Variants in SLC12A4 observed in about 807,000 individuals in gnomAD.
SLC12A4 encodes the protein solute carrier family 12 member 4, also known as electroneutral potassium-chloride cotransporter 1.
SLC12A4 carries 84 observed loss-of-function variants against 119.2 expected under a neutral mutation model. The observed-to-expected ratio is 0.70, with a 90% confidence interval of 0.59 to 0.85. SLC12A4 has a LOEUF of 0.85. Among genes scored for constraint, SLC12A4 ranks in the 40% least tolerant of loss-of-function variants. The pLI, the probability that SLC12A4 is intolerant of heterozygous loss-of-function variation, is 0.00. For missense variants in SLC12A4, 1,298 were observed against 1,476.3 expected (o/e 0.88, Z 1.98); for synonymous variants, 599 against 604.6 (o/e 0.99, Z 0.14).
rs2030590576 is a variant in SLC12A4, at chr16:67,961,763, G to A, written c.211-57C>T. On this transcript the variant is annotated intron_variant, in intron 2 of 23. Coordinates refer to ENST00000316341, the MANE Select transcript of SLC12A4 (RefSeq NM_005072.5). ...TGGGCCAGGTGGGTGCCAGCTGTGTGGAGCCAGCTGCCTGGTCCCTGGCCC... is the reference window on the plus strand; with the variant it reads ...TGGGCCAGGTGGGTGCCAGCTGTGTAGAGCCAGCTGCCTGGTCCCTGGCCC... 1.4e-5 allele frequency: 23 copies of A among 1,603,676 alleles called. No individual in the cohort carries two copies. In the South Asian group the frequency reaches 2.3e-4, roughly 16 times the overall value.
Position 67,950,856 on chromosome 16 carries a change from G to T in SLC12A4, c.1396+106C>A. 7.0e-7 allele frequency: 1 copy of T among 1,422,992 alleles called. No homozygotes were observed. Among genetic ancestry groups the T allele is most frequent in the Non-Finnish European group, 9.8e-7 (1 of 1,020,538 alleles). 88.1% of individuals were successfully genotyped at this position (1,422,992 alleles called of 1,614,324 possible). ...TGTGCATGTGTGCATGAGAAGGGGAGCTATATATGAGTGTGTGGGGTGTCT... is the reference window on the plus strand; with the variant it reads ...TGTGCATGTGTGCATGAGAAGGGGATCTATATATGAGTGTGTGGGGTGTCT... On this transcript the variant is annotated intron_variant, in intron 10 of 23. Coordinates refer to ENST00000316341, the MANE Select transcript of SLC12A4 (RefSeq NM_005072.5). This position sits in a 1 kb window ranked among gnomAD's most constrained non-coding sequence, Gnocchi z 4.3.
rs768325882 is a variant in SLC12A4, at chr16:67,952,135, A to G, written c.917+49T>C. On this transcript the variant is annotated intron_variant, in intron 7 of 23. Transcript: ENST00000316341. ...ATCTGGGGCATCAAAGGCTGGCTAC[A>G]TGGGAGGGATGTCCATGCAATGCCC... The G allele has an allele frequency of 3.1e-6, 5 of 1,611,640 alleles. No individual in the cohort carries two copies. The South Asian group carries it at 5.5e-5, about 18-fold the overall frequency.
rs2058319970 is a variant in SLC12A4, at chr16:67,944,697, G to A, written c.*143C>T. The A allele has an allele frequency of 7.0e-7, 1 of 1,436,144 alleles. No individual in the cohort carries two copies. Among genetic ancestry groups the A allele is most frequent in the African/African-American group, 1.4e-5 (1 of 69,846 alleles). 89.0% of individuals were successfully genotyped at this position (1,436,144 alleles called of 1,614,324 possible). On this transcript the variant is annotated 3_prime_UTR_variant, in exon 24 of 24. Transcript: ENST00000316341. The surrounding 1 kb of genome is among the most constrained non-coding windows in gnomAD (Gnocchi z 6.6). ...TTTGAGGCCCAGGCCTGGTTTCCAA[G>A]GAGACCTAGCAAAGCTGGGTCCAGG...
In SLC12A4 at chr16:67,943,996, T is replaced by A; in HGVS notation, c.*844A>T. Reference sequence around the variant, plus strand: ...TTACTGAGCTCAGCCTTGGGCGTGGTGTGCGGGGGGAAGAGCACATTGAGG... The same window carrying A: ...TTACTGAGCTCAGCCTTGGGCGTGGAGTGCGGGGGGAAGAGCACATTGAGG... On this transcript the variant is annotated 3_prime_UTR_variant, in exon 24 of 24. Transcript: ENST00000316341. This position sits in a 1 kb window ranked among gnomAD's most constrained non-coding sequence, Gnocchi z 4.6. The A allele has an allele frequency of 6.5e-7, 1 of 1,548,302 alleles. No individual in the cohort carries two copies. Among genetic ancestry groups the A allele is most frequent in the Middle Eastern group, 1.9e-4 (1 of 5,318 alleles).
intron 5 of SLC12A4, among the ~76,000 whole-genome samples, chr16:67,956,834 A>ATAT (rs2030288770): frequency 1.4e-5 from 1 of 73,056 alleles, no homozygotes; most frequent in Non-Finnish European, 2.4e-5. Flanking sequence ...ACACACACAC[A>ATAT]TATATATATA....
At position 67,945,875 on chromosome 16, in the gene SLC12A4, G is replaced by C. The variant is rs201917848; in HGVS notation, c.2740-4C>G. 48 of 1,613,912 alleles carry C rather than the reference G, an allele frequency of 3.0e-5. No homozygotes were observed. The East Asian group carries it at 1.0e-3, about 35-fold the overall frequency. On this transcript the variant is annotated splice_polypyrimidine_tract_variant and splice_region_variant and intron_variant, in intron 20 of 23. Transcript: ENST00000316341. ...ATGCAGAGATGTCACTGTTATGCTGGGGACAGGGTTGGCCGTGAGGACCCA... is the reference window on the plus strand; with the variant it reads ...ATGCAGAGATGTCACTGTTATGCTGCGGACAGGGTTGGCCGTGAGGACCCA...
At chr16:67,953,334 C>G (rs1287239745) in intron 6 of SLC12A4, among the ~76,000 whole-genome samples, 1 of 152,152 alleles carries the variant, frequency 6.6e-6, no homozygotes, top group Non-Finnish European at 1.5e-5. Context: ...TTGCAGTGAG[C>G]TGTGATCATG....
chr16:67,945,344 C>T, intron 22 of SLC12A4, 25 bp downstream of exon 22: 4 of 1,602,578 alleles, frequency 2.5e-6, no homozygotes, highest in Non-Finnish European at 3.4e-6. Context: ...TCCAGTGCCG[C>T]TGGGGCTGTT....
Position 67,946,365 on chromosome 16 carries a change from C to G in SLC12A4, c.2438-25G>C, listed in dbSNP as rs113758909. ...TCTGGGGAGGAGGAGCACGGCTGAC[C>G]ACCAGTCTGTGGCCCTCCGCCCACT... On this transcript the variant is annotated intron_variant, in intron 18 of 23. Transcript: ENST00000316341. 952 of 1,605,232 alleles carry G rather than the reference C, an allele frequency of 5.9e-4. 7 individuals are homozygous for G. The African/African-American group carries it at 0.011, about 18-fold the overall frequency.
chr16:67,961,389 G>C (rs1243906171), intron 3 of SLC12A4, among the ~76,000 whole-genome samples, 186 bp downstream of exon 3: 2 of 152,126 alleles, frequency 1.3e-5, no homozygotes, highest in Admixed American at 6.5e-5. Flanking sequence ...GCCCCCCGGG[G>C]GGATTCTCAT....
At chr16:67,960,681 A>G (rs1173924245) in intron 3 of SLC12A4, among the ~76,000 whole-genome samples, 1 of 151,488 alleles carries the variant, frequency 6.6e-6, no homozygotes, top group Non-Finnish European at 1.5e-5. Flanking sequence ...CAGTGTGTGG[A>G]GAGGGAGGGT....
chr16:67,945,180 G>A lies in SLC12A4; in HGVS notation c.3073C>T (p.Leu1025Phe), dbSNP rs145159954. ...GAGCGCGTGACAATGACTTCATTGAGCTTCACAGCAGTGTGCATGCGCCGC... is the reference window on the plus strand; with the variant it reads ...GAGCGCGTGACAATGACTTCATTGAACTTCACAGCAGTGTGCATGCGCCGC... ...NVRRMHTAVK[L>F]NEVIVTRSHD... is the part of the protein sequence containing the mutation. Residue 1025 changes from leucine to phenylalanine, a missense_variant, in exon 23 of 24, where the codon CTC becomes TTC. By Grantham distance (22) the Leu-to-Phe change is conservative (BLOSUM62 0). Coordinates refer to ENST00000316341, the MANE Select transcript of SLC12A4 (RefSeq NM_005072.5). The A allele has an allele frequency of 4.4e-6, 7 of 1,587,312 alleles. No individual in the cohort carries two copies. Among genetic ancestry groups the A allele is most frequent in the African/African-American group, 1.3e-5 (1 of 74,328 alleles).
chr16:67,950,159 G>T lies in SLC12A4; in HGVS notation c.1629+160C>A. 1 of 851,812 alleles carries T rather than the reference G, an allele frequency of 1.2e-6. No individual in the cohort carries two copies. Among genetic ancestry groups the T allele is most frequent in the Non-Finnish European group, 1.8e-6 (1 of 560,842 alleles). 52.8% of individuals were successfully genotyped at this position (851,812 alleles called of 1,614,324 possible). Reference sequence around the variant, plus strand: ...CAGGCAGCTCCAGGCCCAGGTGAGTGCCAGGCCCAGGGCACTTCTCAGTAG... The same window carrying T: ...CAGGCAGCTCCAGGCCCAGGTGAGTTCCAGGCCCAGGGCACTTCTCAGTAG... On this transcript the variant is annotated intron_variant, in intron 12 of 23. Coordinates refer to ENST00000316341, the MANE Select transcript of SLC12A4 (RefSeq NM_005072.5). The surrounding 1 kb of genome is among the most constrained non-coding windows in gnomAD (Gnocchi z 4.3).
At chr16:67,954,833 CCT>C (rs1361620550) in intron 5 of SLC12A4, 60 bp from the exon 6 acceptor site, 14 of 1,605,100 alleles carry the variant, frequency 8.7e-6, no homozygotes, top group Non-Finnish European at 1.0e-5. Flanking sequence ...AAGGGGTCTC[CCT>C]GTGACAAGCC....
intron 1 of SLC12A4, among the ~76,000 whole-genome samples, chr16:67,964,247 A>G (rs2151340161): frequency 6.6e-6 from 1 of 152,300 alleles, no homozygotes; most frequent in Middle Eastern, 3.4e-3. Context: ...GAGCAACACA[A>G]TGGCCCCCTT....
intron 3 of SLC12A4, among the ~76,000 whole-genome samples, chr16:67,959,970 T>C (rs1469329025): frequency 6.6e-6 from 1 of 152,232 alleles, no homozygotes; most frequent in East Asian, 1.9e-4. Context: ...AACTTCCTAC[T>C]GACTCCTTAA....
rs1567410630 is a variant in SLC12A4, at chr16:67,944,307, CAG to C, written c.*531_*532del. 40 of 1,409,668 alleles carry C rather than the reference CAG, an allele frequency of 2.8e-5. 2 individuals carry two copies. In the South Asian group the frequency reaches 5.6e-4, roughly 20 times the overall value. 87.3% of individuals were successfully genotyped at this position (1,409,668 alleles called of 1,614,324 possible). ...CTTCTTCTCTTGGCGCCAGGGGAAA[CAG>C]AGCCGGGGCAGCAGGAGGCCCAGAA... On this transcript the variant is annotated 3_prime_UTR_variant, in exon 24 of 24. Coordinates refer to ENST00000316341, the MANE Select transcript of SLC12A4 (RefSeq NM_005072.5). The surrounding 1 kb of genome is among the most constrained non-coding windows in gnomAD (Gnocchi z 6.6).
chr16:67,954,737 C>A lies in SLC12A4; in HGVS notation c.581G>T (p.Gly194Val). ...GCCCACAGCACCTCCAAATTCTGGC[C>A]CCAGTGAACGAGAGATCATGAAATA... ...GSYFMISRSL[G>V]PEFGGAVGLC... The change falls in exon 6 of 24, where the codon GGG (glycine) becomes GTG (valine). Residue 194 changes from glycine to valine, a missense_variant. Gly to Val is a moderately radical substitution (Grantham distance 109). Transcript: ENST00000316341. 6.2e-7 allele frequency: 1 copy of A among 1,614,054 alleles called. No individual in the cohort carries two copies. Among genetic ancestry groups the A allele is most frequent in the South Asian group, 1.1e-5 (1 of 91,068 alleles).
At chr16:67,958,954 T>C (rs1443235198) in intron 3 of SLC12A4, among the ~76,000 whole-genome samples, 2 of 152,126 alleles carry the variant, frequency 1.3e-5, no homozygotes, top group South Asian at 4.1e-4. Flanking sequence ...GGTAACAGAA[T>C]GTGCTTGTAT....
Sources: gnomAD v4.1 joint callset for allele counts (sites outside exome capture counted in the v4.1 genomes callset) on GRCh38, gnomAD v4.1.1 for gene constraint, Gnocchi (gnomAD v3.1) non-coding constraint, MANE v1.5 for transcripts, NCBI Gene and HGNC (gene_info 2026-07-23, HGNC 2026-07-21) for gene names.